The following STK32B variants were observed in gnomAD, a reference collection of about 807,000 sequenced individuals.
STK32B encodes serine/threonine kinase 32B.
In STK32B, 43 loss-of-function variants were observed where a neutral mutation model predicts 52.6. The ratio of observed to expected loss-of-function variants is 0.82; its 90% confidence interval spans 0.64 to 1.05. The LOEUF (loss-of-function observed/expected upper bound fraction) is 1.05, where lower values mean the gene tolerates loss of function less well. Ranked by LOEUF, STK32B falls within the 50% of genes least tolerant of loss-of-function variation. The pLI is 0.00. For synonymous variants in STK32B, 238 were observed against 204.3 expected (o/e 1.17, Z -1.41); for missense variants, 621 against 534.6 (o/e 1.16, Z -1.59).
At chr4:5,261,459 G>A (rs1216315991) in intron 3 of STK32B, among the ~76,000 whole-genome samples, 1 of 152,112 alleles carries the variant, frequency 6.6e-6, no homozygotes, top group East Asian at 1.9e-4. Flanking sequence ...GGATTTGTGG[G>A]TAAAGGAGAG....
intron 4 of STK32B, among the ~76,000 whole-genome samples, chr4:5,348,855 T>G (rs1733644385): frequency 6.6e-6 from 1 of 152,122 alleles, no homozygotes; most frequent in Admixed American, 6.5e-5. Context: ...GGGGGAATCA[T>G]CATCCAACCC....
At chr4:5,234,173 G>A (rs1186312096) in intron 3 of STK32B, among the ~76,000 whole-genome samples, 2 of 152,184 alleles carry the variant, frequency 1.3e-5, no homozygotes, top group Admixed American at 1.3e-4. Context: ...ATTATTGGAA[G>A]CGTTGTGTAG....
intron 3 of STK32B, among the ~76,000 whole-genome samples, chr4:5,243,132 G>C (rs569592949): frequency 1.3e-5 from 2 of 152,276 alleles, no homozygotes; most frequent in Admixed American, 1.3e-4. Flanking sequence ...TTGGTAGCTT[G>C]ATGGGGATGG....
In STK32B at chr4:5,400,051, GA is replaced by G. The variant is rs1352677638; in HGVS notation, c.472+1809del. On this transcript the variant is annotated intron_variant, in intron 5 of 11. Transcript: ENST00000282908. This position sits in a 1 kb window ranked among gnomAD's most constrained non-coding sequence, Gnocchi z 6.1. Reference sequence around the variant, plus strand: ...CTTCCTGGCCCTGCAAAGCGGTCCAGAAGCAAAATTCAGACAGAAACATCAA... The same window carrying G: ...CTTCCTGGCCCTGCAAAGCGGTCCAGAGCAAAATTCAGACAGAAACATCAA... 6.6e-6 allele frequency among the ~76,000 whole-genome samples: 1 copy of G among 152,188 alleles called. No homozygotes were observed. The highest frequency in any genetic ancestry group is 1.9e-4 in the East Asian group (1 of 5,194).
chr4:5,237,780 T>C (rs1254981810), intron 3 of STK32B, among the ~76,000 whole-genome samples: 1 of 152,094 alleles, frequency 6.6e-6, no homozygotes, highest in Admixed American at 6.5e-5. Context: ...AGAGTCTGTG[T>C]TGGATGTCTC....
intron 3 of STK32B, among the ~76,000 whole-genome samples, chr4:5,330,795 A>G (rs550104381): frequency 2.0e-5 from 3 of 152,330 alleles, no homozygotes; most frequent in African/African-American, 7.2e-5. Flanking sequence ...CAAGCTCCAT[A>G]TGGAGAGCAG....
chr4:5,050,497 G>C (rs141858748), upstream of STK32B, among the ~76,000 whole-genome samples: 401 of 152,294 alleles, frequency 2.6e-3, 1 homozygote, highest in African/African-American at 9.5e-3. Flanking sequence ...AAGAAGGGGA[G>C]AGAACTGGAG....
At chr4:5,269,741 A>G (rs1285761413) in intron 3 of STK32B, among the ~76,000 whole-genome samples, 1 of 152,192 alleles carries the variant, frequency 6.6e-6, no homozygotes, top group Non-Finnish European at 1.5e-5. Context: ...AAATTAGTGA[A>G]CTTAAACATA....
intron 3 of STK32B, among the ~76,000 whole-genome samples, chr4:5,175,517 A>G (rs1473434508): frequency 1.3e-5 from 2 of 152,110 alleles, no homozygotes; most frequent in African/African-American, 4.8e-5. Context: ...TTTTCCTTCT[A>G]ACAGTCAGGA....
chr4:5,249,494 CCTT>C (rs1725755195), intron 3 of STK32B, among the ~76,000 whole-genome samples: 2 of 130,638 alleles, frequency 1.5e-5, no homozygotes, highest in African/African-American at 6.2e-5. Context: ...TTCCTTCCTT[CCTT>C]CCTTCCTCCC....
intron 3 of STK32B, chr4:5,204,284 C>T: frequency 6.5e-6 from 1 of 152,868 alleles, no homozygotes; most frequent in Non-Finnish European, 1.5e-5. Flanking sequence ...GTGTTCTGTG[C>T]TGGGACTGTG....
intron 6 of STK32B, chr4:5,426,961 A>C (rs1404070969): frequency 6.6e-6 from 1 of 152,188 alleles, no homozygotes; most frequent in Admixed American, 6.5e-5. Context: ...ATTAGTTATA[A>C]ACACCACTAT....
chr4:5,140,153 A>T, intron 2 of STK32B, 193 bp downstream of exon 2: 1 of 1,432,024 alleles, frequency 7.0e-7, no homozygotes, highest in Non-Finnish European at 9.5e-7. Flanking sequence ...TTAAATTACC[A>T]CAACAGCCCT....
chr4:5,464,256 T>A (rs1717257552), intron 9 of STK32B, among the ~76,000 whole-genome samples: 1 of 152,166 alleles, frequency 6.6e-6, no homozygotes, highest in African/African-American at 2.4e-5. Context: ...GGGAATTACA[T>A]CTCAACATGA....
At chr4:5,324,036 G>A (rs1293465307) in intron 3 of STK32B, among the ~76,000 whole-genome samples, 3 of 152,188 alleles carry the variant, frequency 2.0e-5, no homozygotes. Context: ...AGGATTGTTG[G>A]GAACATTAAA....
At chr4:5,437,018 G>A (rs2109100770) in intron 6 of STK32B, among the ~76,000 whole-genome samples, 1 of 152,314 alleles carries the variant, frequency 6.6e-6, no homozygotes, top group Non-Finnish European at 1.5e-5. Flanking sequence ...TCTGTATACT[G>A]GGCTGAGCAC....
chr4:5,399,696 G>A lies in STK32B; in HGVS notation c.472+1452G>A, dbSNP rs995766052. The stretch of plus-strand genomic sequence containing the variant: ...GCTGAATGTCCTTGGGCCAGTGGCT[G>A]TACCTCCGTGTCTCAGCCTTCCCAG... On this transcript the variant is annotated intron_variant, in intron 5 of 11. Coordinates refer to ENST00000282908, the MANE Select transcript of STK32B (RefSeq NM_018401.3). The surrounding 1 kb of genome is among the most constrained non-coding windows in gnomAD (Gnocchi z 5.4). 1.1e-4 allele frequency among the ~76,000 whole-genome samples: 17 copies of A among 152,156 alleles called. No individual in the cohort carries two copies. Among genetic ancestry groups the A allele is most frequent in the Admixed American group, 3.3e-4 (5 of 15,278 alleles).
intron 3 of STK32B, among the ~76,000 whole-genome samples, chr4:5,319,228 C>A (rs149811626): frequency 0.011 from 1,709 of 152,278 alleles, 17 homozygotes; most frequent in Non-Finnish European, 0.019. Flanking sequence ...TCCTGTATGA[C>A]TAATGAGGAT....
At chr4:5,183,605 G>A (rs1720519780) in intron 3 of STK32B, among the ~76,000 whole-genome samples, 1 of 152,212 alleles carries the variant, frequency 6.6e-6, no homozygotes, top group Non-Finnish European at 1.5e-5. Flanking sequence ...TGGCCAGTGA[G>A]TGGAGCATTC....
Sources: allele counts gnomAD v4.1 joint callset (sites outside exome capture counted in the v4.1 genomes callset), GRCh38; gene constraint gnomAD v4.1.1; non-coding constraint Gnocchi (gnomAD v3.1); transcripts MANE v1.5; gene names NCBI Gene and HGNC (gene_info 2026-07-23, HGNC 2026-07-21).